The following ABCB11 variants were observed in gnomAD, a reference collection of about 807,000 sequenced individuals.
ABCB11 encodes the protein ATP binding cassette subfamily B member 11.
ABCB11 carries 95 observed loss-of-function variants against 148.0 expected under a neutral mutation model. The ratio of observed to expected loss-of-function variants is 0.64; its 90% CI spans 0.54 to 0.76. The LOEUF (loss-of-function observed/expected upper bound fraction) is 0.76, where lower values mean the gene tolerates loss of function less well. Ranked by LOEUF, ABCB11 falls within the 30% of genes least tolerant of loss-of-function variation. The pLI, the probability that ABCB11 is intolerant of heterozygous loss-of-function variation, is 0.00. For synonymous variants in ABCB11, 591 were observed against 555.4 expected (o/e 1.06, Z -0.90); for missense variants, 1,523 against 1,617.8 (o/e 0.94, Z 1.01).
Position 168,993,855 on chromosome 2 carries a change from T to A in ABCB11, c.639A>T (p.Ile213=). Residue 213 remains isoleucine, a synonymous_variant, in exon 8 of 28, where the codon ATA becomes ATT. Transcript: ENST00000650372. ...GAATGAAAAGGGCCATTTGGTCAGC[T>A]ATGGCATCATTGATTTTATTAATAT... ...SDDINKINDA[I]ADQMALFIQR... is the part of the protein sequence containing the mutation. The A allele has an allele frequency of 6.2e-7, 1 of 1,609,620 alleles. No homozygotes were observed. Among genetic ancestry groups the A allele is most frequent in the South Asian group, 1.1e-5 (1 of 90,282 alleles).
At chr2:169,019,973 C>A (rs1695488829) in intron 1 of ABCB11, among the ~76,000 whole-genome samples, 1 of 152,100 alleles carries the variant, frequency 6.6e-6, no homozygotes, top group African/African-American at 2.4e-5. Flanking sequence ...GAAGGAGTAT[C>A]CAGAAGGGAG....
At chr2:168,946,769 G>A (rs759548292) in intron 19 of ABCB11, among the ~76,000 whole-genome samples, 1 of 151,570 alleles carries the variant, frequency 6.6e-6, no homozygotes, top group Non-Finnish European at 1.5e-5. Flanking sequence ...AGTTCATTAA[G>A]CTAGTGGTTA....
intron 18 of ABCB11, among the ~76,000 whole-genome samples, chr2:168,960,459 A>T (rs776296291): frequency 6.6e-5 from 10 of 151,694 alleles, no homozygotes; most frequent in Non-Finnish European, 1.0e-4. Flanking sequence ...CCACAGCCTG[A>T]CATGATAGAA....
chr2:168,924,180 T>G (rs149229947), intron 27 of ABCB11, among the ~76,000 whole-genome samples: 2 of 152,326 alleles, frequency 1.3e-5, no homozygotes, highest in East Asian at 3.9e-4. Context: ...ATTTTAGCTC[T>G]CTCCAAAATG....
chr2:168,995,273 T>G, intron 7 of ABCB11, 76 bp downstream of exon 7: 1 of 1,484,266 alleles, frequency 6.7e-7, no homozygotes, highest in Non-Finnish European at 9.1e-7. Flanking sequence ...TATTTTTAAA[T>G]TTTTATTTAA....
At chr2:168,936,511 C>G (rs1487220326) in intron 21 of ABCB11, 78 bp from the exon 22 acceptor site, 4 of 1,359,746 alleles carry the variant, frequency 2.9e-6, no homozygotes, top group Non-Finnish European at 4.2e-6. Flanking sequence ...AAAGGTCAGA[C>G]CTTTTATAAA....
chr2:168,923,862 A>T (rs780201073), intron 27 of ABCB11, 40 bp from the exon 28 acceptor site: 3 of 1,590,566 alleles, frequency 1.9e-6, no homozygotes, highest in Admixed American at 3.3e-5. Flanking sequence ...AAGATGCATG[A>T]TTGCTCCCCA....
rs1322041332 is a variant in ABCB11, at chr2:168,922,874, A to G, written c.*748T>C. On this transcript the variant is annotated 3_prime_UTR_variant, in exon 28 of 28. Transcript: ENST00000650372. ...ACAATCAGTATGCAGGGAGGTGCTG[A>G]GGAGTAAAAGGCCTGGGAGAGAGTC... 1 of 152,250 alleles carries G rather than the reference A, an allele frequency of 6.6e-6. No homozygotes were observed. Among genetic ancestry groups the G allele is most frequent in the African/African-American group, 2.4e-5 (1 of 41,466 alleles). 9.4% of individuals were successfully genotyped at this position (152,250 alleles called of 1,614,324 possible).
intron 21 of ABCB11, among the ~76,000 whole-genome samples, chr2:168,942,723 A>G (rs1267721677): frequency 6.6e-6 from 1 of 151,828 alleles, no homozygotes; most frequent in East Asian, 1.9e-4. Flanking sequence ...CATGTACCCC[A>G]TAAATATATA....
Position 168,927,358 on chromosome 2 carries a change from A to C in ABCB11, c.3416T>G (p.Ile1139Arg). The change falls in exon 26 of 28, where the codon ATA becomes AGA. Residue 1139 changes from isoleucine to arginine, a missense_variant. Physicochemically the swap from Ile to Arg is moderately conservative, Grantham distance 97. Transcript: ENST00000650372. ...TACTTTTTTGCTGTCATGACCATCTATCATCTGCCAATAGAGGAGATGACA... is the reference window on the plus strand; with the variant it reads ...TACTTTTTTGCTGTCATGACCATCTCTCATCTGCCAATAGAGGAGATGACA... ...FYDPDQGKVM[I>R]DGHDSKKVNV... The C allele has an allele frequency of 6.2e-7, 1 of 1,612,958 alleles. No individual in the cohort carries two copies. The highest frequency in any genetic ancestry group is 8.5e-7 in the Non-Finnish European group (1 of 1,179,060).
chr2:169,028,714 A>T (rs368846359), intron 1 of ABCB11, among the ~76,000 whole-genome samples: 12 of 150,100 alleles, frequency 8.0e-5, no homozygotes, highest in African/African-American at 3.0e-4. Context: ...ATTTATACTT[A>T]AAAAAAGTTA....
Position 168,964,204 on chromosome 2 carries a change from A to G in ABCB11, c.2178+2T>C, listed in dbSNP as rs1693198121. On this transcript the variant is annotated splice_donor_variant, in intron 18 of 27. Coordinates refer to ENST00000650372, the MANE Select transcript of ABCB11 (RefSeq NM_003742.4). LOFTEE classifies it high-confidence loss of function. ...CCCCCCCATAAGCAGTTGGTGCCTGACCTTTCTATCTTCTTCATAGGTAGA... is the reference window on the plus strand; with the variant it reads ...CCCCCCCATAAGCAGTTGGTGCCTGGCCTTTCTATCTTCTTCATAGGTAGA... 1 of 1,551,416 alleles carries G rather than the reference A, an allele frequency of 6.4e-7. No homozygotes were observed. The highest frequency in any genetic ancestry group is 8.7e-7 in the Non-Finnish European group (1 of 1,145,270).
chr2:168,961,266 C>T (rs189708695), intron 18 of ABCB11, among the ~76,000 whole-genome samples: 22 of 151,742 alleles, frequency 1.4e-4, no homozygotes, highest in African/African-American at 2.9e-4. Context: ...AAATAACCTC[C>T]GACTTAAATC....
At chr2:168,950,954 G>C (rs950573268) in intron 19 of ABCB11, among the ~76,000 whole-genome samples, 3 of 151,554 alleles carry the variant, frequency 2.0e-5, no homozygotes, top group Middle Eastern at 3.4e-3. Flanking sequence ...AATTTTGTAA[G>C]TGGTGAGAGG....
intron 13 of ABCB11, among the ~76,000 whole-genome samples, chr2:168,972,572 A>T (rs923165247): frequency 3.3e-5 from 5 of 152,224 alleles, no homozygotes; most frequent in African/African-American, 9.6e-5. Context: ...AAAATCTTAC[A>T]TCAAGAAACT....
intron 21 of ABCB11, among the ~76,000 whole-genome samples, chr2:168,937,169 G>A (rs1300777808): frequency 1.3e-5 from 2 of 152,158 alleles, no homozygotes; most frequent in Admixed American, 6.5e-5. Context: ...TTGCAGGCAC[G>A]AGCCATCACA....
At chr2:169,009,374 T>C (rs1695112657) in intron 5 of ABCB11, among the ~76,000 whole-genome samples, 1 of 151,994 alleles carries the variant, frequency 6.6e-6, no homozygotes, top group South Asian at 2.1e-4. Flanking sequence ...GTGGCACATA[T>C]ACACCATGGA....
Position 168,975,089 on chromosome 2 carries a change from A to G in ABCB11, c.1309-1249T>C, listed in dbSNP as rs1246096240. On this transcript the variant is annotated intron_variant, in intron 12 of 27. Coordinates refer to ENST00000650372, the MANE Select transcript of ABCB11 (RefSeq NM_003742.4). ...TAGATAAATATATAAATATTTTTAT[A>G]TTTAAATATTTATAGATAAATGTAT... is the stretch of plus-strand genomic sequence containing the variant. Among the ~76,000 whole-genome samples, 3 of 105,182 alleles carry G rather than the reference A, an allele frequency of 2.9e-5. No homozygotes were observed. In the East Asian group the frequency reaches 9.9e-4, roughly 35 times the overall value. The allele number at this position is 105,182 out of a possible 152,430, so 69.0% of individuals were successfully genotyped here.
Position 169,029,724 on chromosome 2 carries a change from CTTTTT to C in ABCB11, c.-28+1496_-28+1500del, listed in dbSNP as rs1166356679. 1.7e-4 allele frequency among the ~76,000 whole-genome samples: 15 copies of C among 88,300 alleles called. 1 individual carries two copies. Among genetic ancestry groups the C allele is most frequent in the African/African-American group, 4.6e-4 (8 of 17,428 alleles). The allele number at this position is 88,300 out of a possible 152,430, so 57.9% of individuals were successfully genotyped here. On this transcript the variant is annotated intron_variant, in intron 1 of 27. Coordinates refer to ENST00000650372, the MANE Select transcript of ABCB11 (RefSeq NM_003742.4). ...GTCTCTAAATGTACAGTTCTTTCCT[CTTTTT>C]TTTTTTTTTTTTTTTTTTTTTTTGA...
Sources: allele counts gnomAD v4.1 joint callset (sites outside exome capture counted in the v4.1 genomes callset), GRCh38; gene constraint gnomAD v4.1.1; transcripts MANE v1.5; gene names NCBI Gene and HGNC (gene_info 2026-07-23, HGNC 2026-07-21).